The following EXOC6B variants were observed in gnomAD, a reference collection of about 807,000 sequenced individuals.
EXOC6B encodes the protein exocyst complex component 6B, also known as SEC15 homolog B.
In EXOC6B, 54 loss-of-function variants were observed where a neutral mutation model predicts 113.5. That is an observed-to-expected ratio of 0.48 (90% CI 0.38 to 0.60). The LOEUF (loss-of-function observed/expected upper bound fraction) is 0.60, where lower values mean the gene tolerates loss of function less well. Ranked by LOEUF, EXOC6B falls within the 20% of genes least tolerant of loss-of-function variation. The pLI, the probability that EXOC6B is intolerant of heterozygous loss-of-function variation, is 0.00. For missense variants in EXOC6B, 797 were observed against 977.5 expected, an observed-to-expected ratio of 0.82 and a Z score of 2.46; for synonymous variants, 357 against 339.0, an observed-to-expected ratio of 1.05 and a Z score of -0.58.
At chr2:72,314,643 T>G (rs1687399468) in intron 20 of EXOC6B, among the ~76,000 whole-genome samples, 1 of 152,210 alleles carries the variant, frequency 6.6e-6, no homozygotes, top group Non-Finnish European at 1.5e-5. Flanking sequence ...AGGAAAATCC[T>G]GTCTCTACTT....
At chr2:72,360,598 C>T (rs1211191693) in intron 19 of EXOC6B, among the ~76,000 whole-genome samples, 1 of 152,084 alleles carries the variant, frequency 6.6e-6, no homozygotes, top group Non-Finnish European at 1.5e-5. Flanking sequence ...TTTAACAACA[C>T]TGGGTAACTT....
intron 7 of EXOC6B, among the ~76,000 whole-genome samples, chr2:72,569,361 C>A (rs937665740): frequency 6.6e-6 from 1 of 151,786 alleles, no homozygotes; most frequent in Admixed American, 6.6e-5. Flanking sequence ...AGTGTGGCCC[C>A]GTCAGTCTGT....
intron 7 of EXOC6B, among the ~76,000 whole-genome samples, chr2:72,560,302 T>C (rs950730499): frequency 1.7e-4 from 25 of 151,510 alleles, no homozygotes; most frequent in African/African-American, 6.1e-4. Flanking sequence ...TTTATAGGGA[T>C]TTAATAATAA....
In EXOC6B at chr2:72,714,732, T is replaced by A. The variant is rs775300682; in HGVS notation, c.669+3371A>T. Reference sequence around the variant, plus strand: ...TGATCTTACCACCCACTGTTTCACATCACCTCAATGTAAGGCCATCAAACT... The same window carrying A: ...TGATCTTACCACCCACTGTTTCACAACACCTCAATGTAAGGCCATCAAACT... On this transcript the variant is annotated intron_variant, in intron 6 of 21. Transcript: ENST00000272427. Among the ~76,000 whole-genome samples the A allele has an allele frequency of 8.5e-5, 13 of 152,268 alleles. No individual in the cohort carries two copies. In the South Asian group the frequency reaches 1.0e-3, roughly 12 times the overall value.
chr2:72,651,319 C>T (rs561364773), intron 6 of EXOC6B, among the ~76,000 whole-genome samples: 1 of 152,274 alleles, frequency 6.6e-6, no homozygotes, highest in South Asian at 2.1e-4. Flanking sequence ...ACTGCCTCCA[C>T]TAAACTACCC....
intron 6 of EXOC6B, among the ~76,000 whole-genome samples, chr2:72,698,670 C>T (rs1444048639): frequency 6.6e-6 from 1 of 152,162 alleles, no homozygotes; most frequent in African/African-American, 2.4e-5. Context: ...TCTGAAAATA[C>T]AACCTTATCC....
At chr2:72,474,727 A>C (rs887175460) in intron 17 of EXOC6B, among the ~76,000 whole-genome samples, 1 of 152,072 alleles carries the variant, frequency 6.6e-6, no homozygotes, top group Non-Finnish European at 1.5e-5. Flanking sequence ...CTTTAGAATC[A>C]ATCATTTAAC....
At chr2:72,669,970 T>A (rs1675677511) in intron 6 of EXOC6B, among the ~76,000 whole-genome samples, 1 of 152,244 alleles carries the variant, frequency 6.6e-6, no homozygotes, top group South Asian at 2.1e-4. Flanking sequence ...AGCTTTAATA[T>A]GCACTGAACT....
chr2:72,331,976 A>C lies in EXOC6B; in HGVS notation c.2196+2971T>G, dbSNP rs146839501. 3.5e-3 allele frequency among the ~76,000 whole-genome samples: 539 copies of C among 152,222 alleles called. 6 individuals are homozygous for C. Among genetic ancestry groups the C allele is most frequent in the African/African-American group, 0.012 (493 of 41,558 alleles). On this transcript the variant is annotated intron_variant, in intron 20 of 21. Coordinates refer to ENST00000272427, the MANE Select transcript of EXOC6B (RefSeq NM_015189.3). ...CAAAGATGATTTCATCAAATATTCC[A>C]CATTTTGAATACTTTAAAATTATTC...
At chr2:72,229,009 A>C (rs1559038402) in intron 20 of EXOC6B, among the ~76,000 whole-genome samples, 1 of 152,160 alleles carries the variant, frequency 6.6e-6, no homozygotes, top group Non-Finnish European at 1.5e-5. Context: ...CATTTCTCTG[A>C]TGGCCAGTGA....
intron 6 of EXOC6B, among the ~76,000 whole-genome samples, chr2:72,631,455 TATATATAGAG>T (rs1672441340): frequency 1.6e-4 from 3 of 18,366 alleles, no homozygotes; most frequent in Non-Finnish European, 3.7e-4. Flanking sequence ...TATATATATA[TATATATAGAG>T]AGAGAGAGAG....
Position 72,405,156 on chromosome 2 carries a change from A to G in EXOC6B, c.1981-25286T>C, listed in dbSNP as rs556902701. 9.2e-5 allele frequency among the ~76,000 whole-genome samples: 14 copies of G among 152,358 alleles called. No individual in the cohort carries two copies. The South Asian group carries it at 2.9e-3, about 32-fold the overall frequency. The stretch of plus-strand genomic sequence containing the variant: ...ATGAAGTGAGAAGTTTAGAGAAAAA[A>G]GAATGAAAGGAAATGAACAAAGCCT... On this transcript the variant is annotated intron_variant, in intron 18 of 21. Transcript: ENST00000272427.
intron 19 of EXOC6B, among the ~76,000 whole-genome samples, chr2:72,335,924 G>A (rs1688668195): frequency 6.6e-6 from 1 of 152,006 alleles, no homozygotes; most frequent in South Asian, 2.1e-4. Flanking sequence ...GCTGTACAGG[G>A]ATATAAGGAC....
At chr2:72,508,490 G>A (rs1045731944) in intron 11 of EXOC6B, among the ~76,000 whole-genome samples, 10 of 152,112 alleles carry the variant, frequency 6.6e-5, no homozygotes, top group Non-Finnish European at 1.3e-4. Flanking sequence ...AAATTAAGCC[G>A]GCCGGGCATA....
At chr2:72,541,558 G>T (rs1473936493) in intron 8 of EXOC6B, among the ~76,000 whole-genome samples, 1 of 152,036 alleles carries the variant, frequency 6.6e-6, no homozygotes. Flanking sequence ...TTTTATAAAG[G>T]TAACATTAAA....
At chr2:72,298,667 G>C in intron 20 of EXOC6B, among the ~76,000 whole-genome samples, 1 of 152,144 alleles carries the variant, frequency 6.6e-6, no homozygotes, top group Non-Finnish European at 1.5e-5. Flanking sequence ...AGGAGCTCTT[G>C]TAAGGCAGGC....
chr2:72,550,904 A>ATTTT (rs1463200496), intron 8 of EXOC6B, among the ~76,000 whole-genome samples: 44 of 149,640 alleles, frequency 2.9e-4, no homozygotes, highest in African/African-American at 1.0e-3. Flanking sequence ...GATAACTGCC[A>ATTTT]TTTATTTTTT....
intron 8 of EXOC6B, among the ~76,000 whole-genome samples, chr2:72,525,089 C>T (rs762079388): frequency 5.9e-5 from 9 of 152,222 alleles, no homozygotes; most frequent in Non-Finnish European, 1.0e-4. Context: ...GCATCCCCTC[C>T]GGGGACCGAC....
At chr2:72,434,197 G>T (rs1695716453) in intron 18 of EXOC6B, among the ~76,000 whole-genome samples, 1 of 152,164 alleles carries the variant, frequency 6.6e-6, no homozygotes, top group African/African-American at 2.4e-5. Context: ...TTTATATGAT[G>T]AATTACATTT....
Sources: allele counts gnomAD v4.1 joint callset (sites outside exome capture counted in the v4.1 genomes callset), GRCh38; gene constraint gnomAD v4.1.1; transcripts MANE v1.5; gene names NCBI Gene and HGNC (gene_info 2026-07-23, HGNC 2026-07-21).